The following F11R variants were observed in gnomAD, a reference collection of about 807,000 sequenced individuals.
F11R encodes junctional adhesion molecule A.
F11R carries 27 observed loss-of-function variants against 39.3 expected under a neutral mutation model. That is an observed-to-expected ratio of 0.69 (90% confidence interval 0.51 to 0.95). The LOEUF is 0.95. Among genes scored for constraint, F11R ranks in the 40% least tolerant of loss-of-function variants. The probability of loss-of-function intolerance (pLI) is 0.00; values close to 1 mark genes in which losing one functional copy is unlikely to be tolerated. For synonymous variants in F11R, 131 were observed against 144.9 expected, an observed-to-expected ratio of 0.90 and a Z score of 0.69; for missense variants, 335 against 372.7, an observed-to-expected ratio of 0.90 and a Z score of 0.83.
intron 1 of F11R, among the ~76,000 whole-genome samples, chr1:161,003,508 C>G (rs1268858099): frequency 6.6e-6 from 1 of 152,054 alleles, no homozygotes; most frequent in Non-Finnish European, 1.5e-5. Flanking sequence ...AGTGATCTGC[C>G]CGCTGCAGCC....
At chr1:161,009,217 C>T (rs1423674277) in intron 1 of F11R, among the ~76,000 whole-genome samples, 2 of 152,174 alleles carry the variant, frequency 1.3e-5, no homozygotes, top group Non-Finnish European at 2.9e-5. Flanking sequence ...ACCATAGCCT[C>T]ACCTAAGCCT....
At position 161,001,102 on chromosome 1, in the gene F11R, C is replaced by T. The variant is rs141309867; in HGVS notation, c.159G>A (p.Ser53=). 6.2e-5 allele frequency: 100 copies of T among 1,613,924 alleles called. No individual in the cohort carries two copies. Among genetic ancestry groups the T allele is most frequent in the Non-Finnish European group, 2.6e-5 (31 of 1,180,032 alleles). ...ACTCCACACGGGGAGAAGAAAAGCC[C>T]GAGTAGGCACAGGACAACTTCACAG... The part of the protein sequence containing the change: ...NNPVKLSCAY[S]GFSSPRVEWK... The change falls in exon 3 of 10, where the codon TCG becomes TCA. Residue 53 remains serine, a synonymous_variant. Coordinates refer to ENST00000368026, the MANE Select transcript of F11R (RefSeq NM_016946.6).
intron 1 of F11R, among the ~76,000 whole-genome samples, chr1:161,006,069 C>T (rs1390234540): frequency 2.0e-5 from 3 of 151,306 alleles, no homozygotes; most frequent in Admixed American, 6.6e-5. Context: ...ACCCGGGAGG[C>T]GAAGGTTGCC....
rs1427798734 is a variant in F11R, at chr1:160,995,234, G to T, written c.*3637C>A. 6.6e-6 allele frequency: 1 copy of T among 152,164 alleles called. No homozygotes were observed. Among genetic ancestry groups the T allele is most frequent in the Non-Finnish European group, 1.5e-5 (1 of 68,014 alleles). The allele number at this position is 152,164 out of a possible 1,614,324, so 9.4% of individuals were successfully genotyped here. ...GCTAAAGAATTGGATATTTTTTAAT[G>T]CAAATTGTTGTTTTTCTTCATTTGT... is the stretch of plus-strand genomic sequence containing the variant. On this transcript the variant is annotated 3_prime_UTR_variant, in exon 10 of 10. Transcript: ENST00000368026.
At position 161,021,034 on chromosome 1, in the gene F11R, G is replaced by A; in HGVS notation, c.40C>T (p.Leu14Phe). 6.2e-7 allele frequency: 1 copy of A among 1,614,030 alleles called. No homozygotes were observed. Among genetic ancestry groups the A allele is most frequent in the South Asian group, 1.1e-5 (1 of 91,084 alleles). The change falls in exon 1 of 10, where the codon CTC (leucine) becomes TTC (phenylalanine). Residue 14 changes from leucine to phenylalanine, a missense_variant. Physicochemically the swap from Leu to Phe is conservative, Grantham distance 22. Coordinates refer to ENST00000368026, the MANE Select transcript of F11R (RefSeq NM_016946.6). The stretch of plus-strand genomic sequence containing the variant: ...CACAACAGGATCGCCAATATGAAGA[G>A]GCACAACAGTTTCCTCTCGACTTGC... ...KAQVERKLLC[L>F]FILAILLCSL...
At chr1:160,999,019 C>T (rs1172345371) in intron 9 of F11R, 24 bp downstream of exon 9, 1 of 1,614,228 alleles carries the variant, frequency 6.2e-7, no homozygotes, top group Non-Finnish European at 8.5e-7. Flanking sequence ...GTGGCCCACC[C>T]CTGCCCAGGG....
rs1021483035 is a variant in F11R at position 160,998,658 on chromosome 1, A to T, written c.*213T>A. On this transcript the variant is annotated 3_prime_UTR_variant, in exon 10 of 10. Coordinates refer to ENST00000368026, the MANE Select transcript of F11R (RefSeq NM_016946.6). ...GGAATAAACACTTTAAACAAGTTCC[A>T]GGCCACTCAGCAGTGGTAGGAAAGG... 4.9e-6 allele frequency: 3 copies of T among 609,036 alleles called. No individual in the cohort carries two copies. Among genetic ancestry groups the T allele is most frequent in the Admixed American group, 2.9e-5 (1 of 33,980 alleles). 37.7% of individuals were successfully genotyped at this position (609,036 alleles called of 1,614,324 possible). A position where few individuals can be genotyped will look rare whatever the true frequency, so the allele number is the denominator to read the frequency against.
At position 161,004,773 on chromosome 1, in the gene F11R, GA is replaced by G. The variant is rs893836851; in HGVS notation, c.65-3421del. Among the ~76,000 whole-genome samples the G allele has an allele frequency of 5.6e-3, 830 of 149,276 alleles. 8 individuals are homozygous for G. The highest frequency in any genetic ancestry group is 0.02 in the African/African-American group (797 of 40,684). ...TTCTTAGAAAAACCATAGGTTTAATGAAAAAAAAACTAATAAAAATATTTCT... is the reference window on the plus strand; with the variant it reads ...TTCTTAGAAAAACCATAGGTTTAATGAAAAAAAACTAATAAAAATATTTCT... On this transcript the variant is annotated intron_variant, in intron 1 of 9. Transcript: ENST00000368026.
intron 3 of F11R, 30 bp downstream of exon 3, chr1:161,000,990 G>A: frequency 6.3e-7 from 1 of 1,577,348 alleles, no homozygotes; most frequent in Non-Finnish European, 8.7e-7. Context: ...CCACAACCTA[G>A]GCAATCAGGA....
chr1:160,999,997 T>G lies in F11R; in HGVS notation c.592-19A>C. On this transcript the variant is annotated intron_variant, in intron 5 of 9. Coordinates refer to ENST00000368026, the MANE Select transcript of F11R (RefSeq NM_016946.6). ...CAAAGACCTGAGGAAGGAAAACAAA[T>G]TGGCTTCCTGCTGAAGAAGCAAAAT... 1.2e-6 allele frequency: 2 copies of G among 1,612,334 alleles called. No homozygotes were observed. The highest frequency in any genetic ancestry group is 1.7e-6 in the Non-Finnish European group (2 of 1,178,444).
Position 160,999,888 on chromosome 1 carries a change from G to A in F11R, c.682C>T (p.Arg228Cys), listed in dbSNP as rs199703485. 109 of 1,613,918 alleles carry A rather than the reference G, an allele frequency of 6.8e-5. No homozygotes were observed. The highest frequency in any genetic ancestry group is 8.5e-5 in the Non-Finnish European group (100 of 1,179,966). ...YGTPMTSNAVRMEAVERNVGV... is the reference protein window; with the variant it reads ...YGTPMTSNAVCMEAVERNVGV... ...CCCTAACTCTCACCAGCTTCCATGC[G>A]CACAGCATTTGAAGTCATGGGTGTC... The change falls in exon 6 of 10, where the codon CGC becomes TGC. Residue 228 changes from arginine (R) to cysteine (C), a missense_variant. By Grantham distance (180) the Arg-to-Cys change is radical (BLOSUM62 -3). Transcript: ENST00000368026.
intron 1 of F11R, among the ~76,000 whole-genome samples, chr1:161,007,790 C>T (rs572275196): frequency 5.3e-5 from 8 of 152,282 alleles, no homozygotes; most frequent in Admixed American, 2.6e-4. Context: ...CTGAAAAGTG[C>T]CTACTCCAGC....
intron 1 of F11R, 22 bp from the exon 2 acceptor site, chr1:161,001,375 G>A (rs372417378): frequency 1.2e-6 from 2 of 1,605,216 alleles, no homozygotes; most frequent in African/African-American, 1.3e-5. Flanking sequence ...GAAAGAGGTG[G>A]GCCCTGTCAG....
intron 1 of F11R, among the ~76,000 whole-genome samples, chr1:161,009,458 C>CA (rs60908472): frequency 0.018 from 2,435 of 139,136 alleles, 56 homozygotes; most frequent in East Asian, 0.1. Context: ...CCATCTGTAC[C>CA]AAAAAAAAAA....
chr1:161,010,973 T>TAA (rs747869704), intron 1 of F11R, among the ~76,000 whole-genome samples: 2,201 of 111,110 alleles, frequency 0.02, 39 homozygotes, highest in Non-Finnish European at 0.028. Flanking sequence ...GACTCCATCT[T>TAA]AAAAAAAAAA....
intron 1 of F11R, 84 bp downstream of exon 1, chr1:161,020,926 T>G: frequency 8.1e-7 from 1 of 1,234,384 alleles, no homozygotes; most frequent in African/African-American, 1.5e-5. Flanking sequence ...GCTCCTCCCC[T>G]CCCGCGGGCT....
Position 161,000,677 on chromosome 1 carries a change from T to G in F11R, c.342A>C (p.Glu114Asp), listed in dbSNP as rs1648425222. The G allele has an allele frequency of 1.9e-6, 3 of 1,614,040 alleles. No individual in the cohort carries two copies. Among genetic ancestry groups the G allele is most frequent in the South Asian group, 2.2e-5 (2 of 91,080 alleles). ...TGACCTCCCCATAGCTGTTGCCGCC[T>G]TCCTCAGAGACCATACAAGTGTATG... ...TGTYTCMVSE[E>D]GGNSYGEVKV... Residue 114 changes from glutamate (E) to aspartate (D), a missense_variant, in exon 4 of 10, where the codon GAA becomes GAC. Glu to Asp is a conservative substitution (Grantham distance 45). Coordinates refer to ENST00000368026, the MANE Select transcript of F11R (RefSeq NM_016946.6).
intron 1 of F11R, among the ~76,000 whole-genome samples, chr1:161,018,055 C>T (rs1649561088): frequency 6.6e-6 from 1 of 152,248 alleles, no homozygotes; most frequent in African/African-American, 2.4e-5. Context: ...GACCTATCCA[C>T]ACTCACCTCT....
chr1:161,005,893 C>G (rs1648773898), intron 1 of F11R, among the ~76,000 whole-genome samples: 1 of 152,046 alleles, frequency 6.6e-6, no homozygotes, highest in South Asian at 2.1e-4. Flanking sequence ...AATCCCAGCA[C>G]TTTGGGAGGC....
Sources: gnomAD v4.1 joint callset for allele counts (sites outside exome capture counted in the v4.1 genomes callset) on GRCh38, gnomAD v4.1.1 for gene constraint, MANE v1.5 for transcripts, NCBI Gene and HGNC (gene_info 2026-07-23, HGNC 2026-07-21) for gene names.